The following TBC1D22B variants were observed in gnomAD, a reference collection of about 807,000 sequenced individuals.
TBC1D22B encodes the protein TBC1 domain family member 22B, also known as chromosome 6 open reading frame 197.
TBC1D22B carries 32 observed loss-of-function variants against 69.1 expected under a neutral mutation model. That is an observed-to-expected ratio of 0.46 (90% CI 0.35 to 0.62). The LOEUF is 0.62. Ranked by LOEUF, TBC1D22B falls within the 20% of genes least tolerant of loss-of-function variation. TBC1D22B has a pLI of 0.00. For missense variants in TBC1D22B, 462 were observed against 630.9 expected, an observed-to-expected ratio of 0.73 and a Z score of 2.87; for synonymous variants, 206 against 229.8, an observed-to-expected ratio of 0.90 and a Z score of 0.94.
intron 8 of TBC1D22B, among the ~76,000 whole-genome samples, chr6:37,300,218 T>G (rs1767523547): frequency 6.6e-6 from 1 of 152,046 alleles, no homozygotes; most frequent in Non-Finnish European, 1.5e-5. Flanking sequence ...ATGTGAAATC[T>G]CTCTTCATAA....
chr6:37,298,440 A>G (rs1767455859), intron 8 of TBC1D22B, among the ~76,000 whole-genome samples: 1 of 152,136 alleles, frequency 6.6e-6, no homozygotes, highest in Non-Finnish European at 1.5e-5. Context: ...CTGAACATAT[A>G]GATCCACTTC....
intron 1 of TBC1D22B, among the ~76,000 whole-genome samples, chr6:37,265,837 A>G (rs550749073): frequency 6.6e-6 from 1 of 152,292 alleles, no homozygotes; most frequent in Non-Finnish European, 1.5e-5. Flanking sequence ...CTTAATAGGA[A>G]TCAATGTGAA....
At chr6:37,301,090 C>T (rs1358105443) in intron 8 of TBC1D22B, among the ~76,000 whole-genome samples, 1 of 152,180 alleles carries the variant, frequency 6.6e-6, no homozygotes, top group Non-Finnish European at 1.5e-5. Flanking sequence ...CCAACTTTTA[C>T]TTTGCATAAT....
Position 37,257,801 on chromosome 6 carries a change from G to A in TBC1D22B, c.-117G>A. The A allele has an allele frequency of 8.8e-7, 1 of 1,138,730 alleles. No individual in the cohort carries two copies. The highest frequency in any genetic ancestry group is 1.3e-6 in the Non-Finnish European group (1 of 792,422). The allele number at this position is 1,138,730 out of a possible 1,614,324, so 70.5% of individuals were successfully genotyped here. On this transcript the variant is annotated 5_prime_UTR_variant, in exon 1 of 13. Coordinates refer to ENST00000373491, the MANE Select transcript of TBC1D22B (RefSeq NM_017772.4). The stretch of plus-strand genomic sequence containing the variant: ...CCAAGATGGCGTCCCCAGGAGCTGG[G>A]AGCGGGTGACCGGCGGCGGGGAAGC...
At chr6:37,264,595 G>T (rs1267059935) in intron 1 of TBC1D22B, among the ~76,000 whole-genome samples, 2 of 152,162 alleles carry the variant, frequency 1.3e-5, no homozygotes, top group Admixed American at 6.5e-5. Flanking sequence ...ACAGTGCCCA[G>T]CCCTGATTGT....
At chr6:37,271,351 G>A (rs144736424) in intron 2 of TBC1D22B, among the ~76,000 whole-genome samples, 244 of 152,164 alleles carry the variant, frequency 1.6e-3, no homozygotes, top group African/African-American at 5.5e-3. Context: ...AAAAACGGTG[G>A]ATACGTGTCA....
chr6:37,266,281 C>G (rs73419844), intron 1 of TBC1D22B, among the ~76,000 whole-genome samples: 4,842 of 152,262 alleles, frequency 0.032, 243 homozygotes, highest in African/African-American at 0.11. Flanking sequence ...CTGCTGCTAC[C>G]AGTGTCTTTT....
At chr6:37,285,911 C>T (rs1299842345) in intron 6 of TBC1D22B, among the ~76,000 whole-genome samples, 5 of 152,252 alleles carry the variant, frequency 3.3e-5, no homozygotes, top group Non-Finnish European at 5.9e-5. Context: ...CGTGAGCCAT[C>T]GCCCTGGCCC....
At chr6:37,307,425 G>A (rs1011219907) in intron 8 of TBC1D22B, among the ~76,000 whole-genome samples, 6 of 148,426 alleles carry the variant, frequency 4.0e-5, no homozygotes, top group African/African-American at 1.2e-4. Context: ...GCATAATCTC[G>A]GCTCACTGCA....
chr6:37,271,206 C>T (rs187117826), intron 2 of TBC1D22B, among the ~76,000 whole-genome samples: 2 of 151,892 alleles, frequency 1.3e-5, no homozygotes, highest in East Asian at 1.9e-4. Flanking sequence ...TCAGCTACTC[C>T]GGAGGCTGAG....
intron 8 of TBC1D22B, among the ~76,000 whole-genome samples, chr6:37,296,588 A>G (rs1162987102): frequency 6.6e-6 from 1 of 152,158 alleles, no homozygotes; most frequent in Non-Finnish European, 1.5e-5. Context: ...GAGCTCAAGC[A>G]TCCTCCTGCC....
rs551928739 is a variant in TBC1D22B at position 37,300,921 on chromosome 6, T to C, written c.982+9564T>C. Among the ~76,000 whole-genome samples, 10 of 152,312 alleles carry C rather than the reference T, an allele frequency of 6.6e-5. No homozygotes were observed. In the East Asian group the frequency reaches 9.6e-4, roughly 15 times the overall value. The stretch of plus-strand genomic sequence containing the variant: ...ACAGCAGATCTCTAGAACATATTCA[T>C]CTTGCCTACAGTTGTCAAATTTGTA... On this transcript the variant is annotated intron_variant, in intron 8 of 12. Coordinates refer to ENST00000373491, the MANE Select transcript of TBC1D22B (RefSeq NM_017772.4).
chr6:37,263,853 G>A (rs1342732917), intron 1 of TBC1D22B, among the ~76,000 whole-genome samples: 1 of 152,116 alleles, frequency 6.6e-6, no homozygotes, highest in Non-Finnish European at 1.5e-5. Context: ...CAAAGTGCTG[G>A]GATTACAGGC....
Position 37,284,481 on chromosome 6 carries a change from C to G in TBC1D22B, c.801+17C>G. Reference sequence around the variant, plus strand: ...TACAGACAGGTACAGTCACCACCTGCTGCCTCTTTGCTTACCAGTCATATA... The same window carrying G: ...TACAGACAGGTACAGTCACCACCTGGTGCCTCTTTGCTTACCAGTCATATA... On this transcript the variant is annotated intron_variant, in intron 6 of 12. Coordinates refer to ENST00000373491, the MANE Select transcript of TBC1D22B (RefSeq NM_017772.4). The G allele has an allele frequency of 6.4e-7, 1 of 1,551,012 alleles. No individual in the cohort carries two copies. The highest frequency in any genetic ancestry group is 8.7e-7 in the Non-Finnish European group (1 of 1,153,270).
At chr6:37,330,945 G>A in intron 12 of TBC1D22B, 99 bp from the exon 13 acceptor site, 1 of 1,313,914 alleles carries the variant, frequency 7.6e-7, no homozygotes, top group South Asian at 1.3e-5. Context: ...TGAGCCAGGA[G>A]GAAGGGGCCC....
rs528670195 is a variant in TBC1D22B, at chr6:37,277,486, G to A, written c.114-1818G>A. 1.7e-4 allele frequency among the ~76,000 whole-genome samples: 17 copies of A among 100,292 alleles called. No individual in the cohort carries two copies. The East Asian group carries it at 3.3e-3, about 20-fold the overall frequency. The allele number at this position is 100,292 out of a possible 152,430, so 65.8% of individuals were successfully genotyped here. A position where few individuals can be genotyped will look rare whatever the true frequency, so the allele number is the denominator to read the frequency against. ...TTCTTTTTTTTTTTTTTTTTGAGAC[G>A]GAGTGTCACTCACACTGTCATCCAG... On this transcript the variant is annotated intron_variant, in intron 2 of 12. Transcript: ENST00000373491.
intron 8 of TBC1D22B, among the ~76,000 whole-genome samples, chr6:37,293,498 T>C (rs1005424760): frequency 1.1e-4 from 16 of 152,192 alleles, no homozygotes; most frequent in African/African-American, 3.9e-4. Flanking sequence ...ACTTAATTTA[T>C]AAGTGTTGTG....
At position 37,279,381 on chromosome 6, in the gene TBC1D22B, G is replaced by A. The variant is rs150909093; in HGVS notation, c.191G>A (p.Arg64Gln). 8 of 1,614,040 alleles carry A rather than the reference G, an allele frequency of 5.0e-6. No homozygotes were observed. The highest frequency in any genetic ancestry group is 4.4e-5 in the South Asian group (4 of 91,080). ...GCCTCCAGTTTTCATGAGTTTGCAC[G>A]GAATACCAGTGATGCTTGGGACATT... ...KKASSFHEFA[R>Q]NTSDAWDIGD... The change falls in exon 3 of 13, where the codon CGG becomes CAG. Residue 64 changes from arginine (R) to glutamine (Q), a missense_variant. Transcript: ENST00000373491.
Position 37,331,288 on chromosome 6 carries a change from A to C in TBC1D22B, c.*116A>C. 1.9e-6 allele frequency: 2 copies of C among 1,066,890 alleles called. No individual in the cohort carries two copies. Among genetic ancestry groups the C allele is most frequent in the Non-Finnish European group, 2.8e-6 (2 of 713,732 alleles). 66.1% of individuals were successfully genotyped at this position (1,066,890 alleles called of 1,614,324 possible). On this transcript the variant is annotated 3_prime_UTR_variant, in exon 13 of 13. Transcript: ENST00000373491. ...GAACCACTCCTGTTGTACAAAGCTC[A>C]CACCCACCGCCCAGGTCTTAACTTT...
Sources: allele counts gnomAD v4.1 joint callset (sites outside exome capture counted in the v4.1 genomes callset), GRCh38; gene constraint gnomAD v4.1.1; transcripts MANE v1.5; gene names NCBI Gene and HGNC (gene_info 2026-07-23, HGNC 2026-07-21).